Variants in TACC1 observed in about 807,000 individuals in gnomAD.
The protein encoded by TACC1 is transforming acidic coiled-coil-containing protein 1.
TACC1 carries 48 observed loss-of-function variants against 84.4 expected under a neutral mutation model. The observed-to-expected ratio is 0.57, with a 90% confidence interval of 0.45 to 0.72. TACC1 has a LOEUF of 0.72. Ranked by LOEUF, TACC1 falls within the 30% of genes least tolerant of loss-of-function variation. The probability of loss-of-function intolerance (pLI) is 0.00; values close to 1 mark genes in which losing one functional copy is unlikely to be tolerated. For missense variants in TACC1, 920 were observed against 973.0 expected, an observed-to-expected ratio of 0.95 and a Z score of 0.72; for synonymous variants, 372 against 376.3, an observed-to-expected ratio of 0.99 and a Z score of 0.13.
chr8:38,805,143 C>T (rs1317926408), intron 2 of TACC1, among the ~76,000 whole-genome samples: 1 of 152,196 alleles, frequency 6.6e-6, no homozygotes, highest in Non-Finnish European at 1.5e-5. Context: ...CAGCTGTTTC[C>T]TTTCCTCCCT....
intron 2 of TACC1, among the ~76,000 whole-genome samples, chr8:38,792,568 C>G (rs959650044): frequency 2.0e-5 from 3 of 152,106 alleles, no homozygotes; most frequent in Admixed American, 1.3e-4. Context: ...TGGGTTCACG[C>G]CATTCTTCTG....
At chr8:38,836,831 C>A (rs1318439734) in intron 7 of TACC1, among the ~76,000 whole-genome samples, 1 of 152,172 alleles carries the variant, frequency 6.6e-6, no homozygotes, top group African/African-American at 2.4e-5. Flanking sequence ...CCACCCTCTC[C>A]TGTCATATAT....
At chr8:38,751,299 T>G (rs1010420855) in intron 3 of TACC1, among the ~76,000 whole-genome samples, 1 of 152,214 alleles carries the variant, frequency 6.6e-6, no homozygotes, top group Non-Finnish European at 1.5e-5. Flanking sequence ...ATCTTCATCT[T>G]AAAATGGGAT....
At chr8:38,751,479 G>A (rs114702184) in intron 3 of TACC1, among the ~76,000 whole-genome samples, 1,632 of 152,194 alleles carry the variant, frequency 0.011, 32 homozygotes, top group African/African-American at 0.037. Flanking sequence ...AGCACTGCTC[G>A]TTTTATTGCA....
At chr8:38,766,879 C>T (rs1471051372) in intron 3 of TACC1, among the ~76,000 whole-genome samples, 2 of 152,188 alleles carry the variant, frequency 1.3e-5, no homozygotes, top group African/African-American at 4.8e-5. Context: ...GCCACCCAGG[C>T]AACTCATTAA....
intron 3 of TACC1, among the ~76,000 whole-genome samples, chr8:38,771,272 C>T (rs971142451): frequency 2.6e-5 from 4 of 152,068 alleles, no homozygotes; most frequent in African/African-American, 9.7e-5. Context: ...AAACCACATG[C>T]CCCTAGAGTT....
At position 38,787,384 on chromosome 8, in the gene TACC1, C is replaced by A. The variant is rs1166092351; in HGVS notation, c.-199C>A. On this transcript the variant is annotated 5_prime_UTR_variant, in exon 1 of 13. Coordinates refer to ENST00000317827, the MANE Select transcript of TACC1 (RefSeq NM_006283.3). ...CGGCCGCACCGTGAGGGGAGGAGGC[C>A]GAGGAGGACGCAGCGCCGGCTGCCG... The A allele has an allele frequency of 5.1e-5, 69 of 1,351,946 alleles. No individual in the cohort carries two copies. The highest frequency in any genetic ancestry group is 6.2e-5 in the Non-Finnish European group (66 of 1,059,286). The allele number at this position is 1,351,946 out of a possible 1,614,324, so 83.7% of individuals were successfully genotyped here. A position where few individuals can be genotyped will look rare whatever the true frequency, so the allele number is the denominator to read the frequency against.
At chr8:38,837,037 G>A (rs973721182) in intron 7 of TACC1, among the ~76,000 whole-genome samples, 7 of 151,356 alleles carry the variant, frequency 4.6e-5, no homozygotes, top group Non-Finnish European at 1.0e-4. Context: ...CATCAAGTTG[G>A]TAATGAGGGA....
intron 3 of TACC1, among the ~76,000 whole-genome samples, chr8:38,772,833 T>C (rs1456945152): frequency 2.0e-5 from 3 of 151,972 alleles, no homozygotes; most frequent in South Asian, 2.1e-4. Context: ...CTTGTTAACA[T>C]TAAATATCAA....
At chr8:38,846,139 C>G (rs1041126730) in intron 11 of TACC1, 1 of 151,440 alleles carries the variant, frequency 6.6e-6, no homozygotes. Flanking sequence ...AAAAATTAGC[C>G]GGGCGTGGTG....
intron 3 of TACC1, among the ~76,000 whole-genome samples, chr8:38,766,697 A>G (rs556354825): frequency 6.6e-6 from 1 of 152,364 alleles, no homozygotes; most frequent in South Asian, 2.1e-4. Context: ...GCATTATCCC[A>G]TTTAATCCTT....
At chr8:38,815,911 T>G (rs1825327831) in intron 2 of TACC1, among the ~76,000 whole-genome samples, 1 of 151,032 alleles carries the variant, frequency 6.6e-6, no homozygotes. Context: ...GAGGATGACT[T>G]GAGCCCAGGA....
In TACC1 at chr8:38,820,652, G is replaced by C; in HGVS notation, c.1391+17G>C. 1 of 1,590,444 alleles carries C rather than the reference G, an allele frequency of 6.3e-7. No homozygotes were observed. Among genetic ancestry groups the C allele is most frequent in the South Asian group, 1.1e-5 (1 of 89,278 alleles). On this transcript the variant is annotated intron_variant, in intron 3 of 12. Coordinates refer to ENST00000317827, the MANE Select transcript of TACC1 (RefSeq NM_006283.3). ...TTTAATAACGTGAGTGACAGTGGGC[G>C]CTGGGTGTCGTGCTCTGTGTCTTGT...
At chr8:38,827,569 A>C in intron 5 of TACC1, 194 bp downstream of exon 5, 1 of 607,648 alleles carries the variant, frequency 1.6e-6, no homozygotes, top group Non-Finnish European at 2.9e-6. Context: ...AGGAACGTAG[A>C]GATACTTGTG....
rs376124808 is a variant in TACC1, at chr8:38,820,304, C to G, written c.1060C>G (p.Gln354Glu). The G allele has an allele frequency of 6.9e-5, 111 of 1,614,010 alleles. No homozygotes were observed. The highest frequency in any genetic ancestry group is 8.4e-5 in the Non-Finnish European group (99 of 1,180,048). Residue 354 changes from glutamine (Q) to glutamate (E), a missense_variant, in exon 3 of 13, where the codon CAA becomes GAA. Transcript: ENST00000317827. The part of the protein sequence containing the change: ...KLGSTLTPKI[Q>E]KDGISKSAGL... ...GGGTAGCACACTGACTCCCAAGATA[C>G]AAAAAGATGGCATCAGTAAGTCAGC...
At position 38,846,802 on chromosome 8, in the gene TACC1, A is replaced by G. The variant is rs1403925939; in HGVS notation, c.2332A>G (p.Arg778Gly). 8.7e-6 allele frequency: 14 copies of G among 1,614,162 alleles called. No homozygotes were observed. The highest frequency in any genetic ancestry group is 1.2e-5 in the Non-Finnish European group (14 of 1,179,992). ...GCAGATGAAGGTGGAGTCCCTGGAA[A>G]GGGCCCTGCAGCAGAAGGTACAGAA... is the stretch of plus-strand genomic sequence containing the variant. ...KEQMKVESLE[R>G]ALQQKNQEIE... Residue 778 changes from arginine (R) to glycine (G), a missense_variant, in exon 12 of 13, where the codon AGG becomes GGG. This residue lies in a region of TACC1 where 158 missense variants were observed against 225.6 expected (regional missense o/e 0.70). Coordinates refer to ENST00000317827, the MANE Select transcript of TACC1 (RefSeq NM_006283.3).
At chr8:38,800,378 A>G (rs1226016549) in intron 2 of TACC1, among the ~76,000 whole-genome samples, 2 of 152,158 alleles carry the variant, frequency 1.3e-5, no homozygotes, top group Non-Finnish European at 2.9e-5. Context: ...ATCACCCCCA[A>G]AGGAAACCCT....
intron 5 of TACC1, chr8:38,828,103 A>C (rs967037769): frequency 2.0e-5 from 3 of 152,420 alleles, no homozygotes; most frequent in Non-Finnish European, 4.4e-5. Flanking sequence ...AATATGTCAT[A>C]TGTTTGACTT....
chr8:38,828,853 G>C (rs1828680095), intron 5 of TACC1, among the ~76,000 whole-genome samples: 1 of 152,268 alleles, frequency 6.6e-6, no homozygotes, highest in African/African-American at 2.4e-5. Flanking sequence ...CTGGTTCCAT[G>C]GTCTTTTCGC....
Sources: allele counts gnomAD v4.1 joint callset (sites outside exome capture counted in the v4.1 genomes callset), GRCh38; gene constraint gnomAD v4.1.1; regional missense constraint gnomAD v4.1.1; transcripts MANE v1.5; gene names NCBI Gene and HGNC (gene_info 2026-07-23, HGNC 2026-07-21).